The following GDI2 variants were observed in gnomAD, a reference collection of about 807,000 sequenced individuals.
GDI2 encodes the protein rab GDP dissociation inhibitor beta.
Under a neutral mutation model 54.2 loss-of-function variants are expected in GDI2, and 22 were observed. The observed-to-expected ratio is 0.41, with a 90% CI of 0.29 to 0.58. The LOEUF (loss-of-function observed/expected upper bound fraction) is 0.58, where lower values mean the gene tolerates loss of function less well. Ranked by LOEUF, GDI2 falls within the 20% of genes least tolerant of loss-of-function variation. GDI2 has a pLI of 0.35. For synonymous variants in GDI2, 177 were observed against 182.1 expected (o/e 0.97, Z 0.23); for missense variants, 422 against 546.0 (o/e 0.77, Z 2.26).
intron 1 of GDI2, among the ~76,000 whole-genome samples, chr10:5,808,697 TA>T (rs56672226): frequency 0.055 from 4,770 of 86,220 alleles, 161 homozygotes; most frequent in African/African-American, 0.13. Context: ...TTGTTGTTAT[TA>T]AAAAAAAAAA....
intron 6 of GDI2, among the ~76,000 whole-genome samples, chr10:5,781,211 C>G (rs962435478): frequency 6.7e-6 from 1 of 149,686 alleles, no homozygotes; most frequent in Admixed American, 6.6e-5. Flanking sequence ...CCTCATCCCA[C>G]ACACCAACAC....
chr10:5,793,401 C>T (rs1316027102), intron 4 of GDI2, among the ~76,000 whole-genome samples: 1 of 152,130 alleles, frequency 6.6e-6, no homozygotes, highest in Non-Finnish European at 1.5e-5. Context: ...AATTTCGAAC[C>T]CATGATTACA....
intron 1 of GDI2, among the ~76,000 whole-genome samples, chr10:5,812,406 A>G (rs1271075388): frequency 6.6e-6 from 1 of 152,186 alleles, no homozygotes; most frequent in Non-Finnish European, 1.5e-5. Flanking sequence ...CGGAGTACAG[A>G]GAACTTGGCT....
At chr10:5,787,014 A>G (rs554330142) in intron 4 of GDI2, among the ~76,000 whole-genome samples, 1 of 152,292 alleles carries the variant, frequency 6.6e-6, no homozygotes, top group African/African-American at 2.4e-5. Context: ...TAGATGATAG[A>G]CAAATAGCCA....
chr10:5,812,473 G>C (rs1267333089), intron 1 of GDI2, among the ~76,000 whole-genome samples: 1 of 152,144 alleles, frequency 6.6e-6, no homozygotes, highest in Non-Finnish European at 1.5e-5. Context: ...AAGAGACAAA[G>C]GAGGCAGAGA....
At chr10:5,772,704 C>G (rs1840517692) in intron 7 of GDI2, among the ~76,000 whole-genome samples, 1 of 152,126 alleles carries the variant, frequency 6.6e-6, no homozygotes, top group South Asian at 2.1e-4. Context: ...GTGAAGTGAG[C>G]TGAGATCACG....
In GDI2 at chr10:5,813,215, G is replaced by T; in HGVS notation, c.44C>A (p.Thr15Lys). The T allele has an allele frequency of 6.3e-7, 1 of 1,580,364 alleles. No homozygotes were observed. The highest frequency in any genetic ancestry group is 8.6e-7 in the Non-Finnish European group (1 of 1,164,742). The change falls in exon 1 of 11, where the codon ACG (threonine) becomes AAG (lysine). Residue 15 changes from threonine to lysine, a missense_variant and splice_region_variant. Coordinates refer to ENST00000380191, the MANE Select transcript of GDI2 (RefSeq NM_001494.4). ...CGGCCCCTCAGCCCTGGCGCCCACC[G>T]TCAGGCCGGTGCCCAGCACGATCAC... ...YDVIVLGTGL[T>K]ECILSGIMSV...
chr10:5,776,087 C>T lies in GDI2; in HGVS notation c.720-2146G>A. ...AAATAATGGATCCCTCAACCTGGCTCATCAACAGAGCAGATGAACAGACCA... is the reference window on the plus strand; with the variant it reads ...AAATAATGGATCCCTCAACCTGGCTTATCAACAGAGCAGATGAACAGACCA... On this transcript the variant is annotated intron_variant, in intron 6 of 10. Transcript: ENST00000380191. This position sits in a 1 kb window ranked among gnomAD's most constrained non-coding sequence, Gnocchi z 5.3. 4.7e-6 allele frequency: 1 copy of T among 212,592 alleles called. No individual in the cohort carries two copies. The allele number at this position is 212,592 out of a possible 1,614,324, so 13.2% of individuals were successfully genotyped here.
At chr10:5,787,019 T>C (rs572423849) in intron 4 of GDI2, among the ~76,000 whole-genome samples, 8 of 152,202 alleles carry the variant, frequency 5.3e-5, no homozygotes, top group African/African-American at 1.9e-4. Context: ...GATAGACAAA[T>C]AGCCAACAAA....
rs757030261 is a variant in GDI2 at position 5,768,192 on chromosome 10, C to A, written c.991+21G>T. The A allele has an allele frequency of 8.8e-6, 14 of 1,590,612 alleles. No homozygotes were observed. In the South Asian group the frequency reaches 1.6e-4, roughly 18 times the overall value. ...ATATCTTACAAAATTCTACCAACAT[C>A]TGCTGGTCTTCAAACCTCACCTGAC... On this transcript the variant is annotated intron_variant, in intron 8 of 10. Transcript: ENST00000380191. This position sits in a 1 kb window ranked among gnomAD's most constrained non-coding sequence, Gnocchi z 4.4.
intron 8 of GDI2, among the ~76,000 whole-genome samples, chr10:5,767,343 G>A (rs1269783171): frequency 6.6e-5 from 10 of 151,608 alleles, no homozygotes; most frequent in Admixed American, 6.6e-4. Flanking sequence ...TTAACAGTCT[G>A]GCTCTGTCAC....
intron 2 of GDI2, among the ~76,000 whole-genome samples, chr10:5,799,300 G>A (rs1841215221): frequency 6.6e-6 from 1 of 152,196 alleles, no homozygotes; most frequent in South Asian, 2.1e-4. Flanking sequence ...TCGCACTGCT[G>A]CACTTCAGCC....
At chr10:5,799,048 A>T (rs954202187) in intron 2 of GDI2, among the ~76,000 whole-genome samples, 3 of 152,172 alleles carry the variant, frequency 2.0e-5, no homozygotes, top group Admixed American at 1.3e-4. Context: ...TAGATTAAGA[A>T]AATAAAGAGG....
chr10:5,777,170 G>A (rs1749563763), intron 6 of GDI2, among the ~76,000 whole-genome samples: 1 of 152,054 alleles, frequency 6.6e-6, no homozygotes, highest in Admixed American at 6.6e-5. Context: ...TTGTCTTCAG[G>A]GTTAAAATGC....
intron 1 of GDI2, chr10:5,811,960 TAAAAAAA>T: frequency 1.5e-6 from 1 of 664,362 alleles, no homozygotes; most frequent in Non-Finnish European, 2.1e-6. Flanking sequence ...ATGTTACCTG[TAAAAAAA>T]AAAAAAAAAA....
chr10:5,766,417 T>TCA lies in GDI2; in HGVS notation c.1136+75_1136+76dup. On this transcript the variant is annotated intron_variant, in intron 9 of 10. Coordinates refer to ENST00000380191, the MANE Select transcript of GDI2 (RefSeq NM_001494.4). This position sits in a 1 kb window ranked among gnomAD's most constrained non-coding sequence, Gnocchi z 5.8. Reference sequence around the variant, plus strand: ...CAGCCAGCAGCTACCTGCCTTGCCCTCACATTCGTCCCACCATGGAGCCAC... The same window carrying TCA: ...CAGCCAGCAGCTACCTGCCTTGCCCTCACACATTCGTCCCACCATGGAGCCAC... 6.4e-7 allele frequency: 1 copy of TCA among 1,554,792 alleles called. No individual in the cohort carries two copies. The highest frequency in any genetic ancestry group is 1.1e-5 in the South Asian group (1 of 89,742).
chr10:5,787,408 G>A (rs1361711666), intron 4 of GDI2, among the ~76,000 whole-genome samples: 1 of 152,136 alleles, frequency 6.6e-6, no homozygotes, highest in African/African-American at 2.4e-5. Context: ...GAAGGCTGGA[G>A]CAGGAGAATC....
chr10:5,795,091 G>T, intron 3 of GDI2, 72 bp from the exon 4 acceptor site: 1 of 946,614 alleles, frequency 1.1e-6, no homozygotes, highest in Non-Finnish European at 1.6e-6. Flanking sequence ...AATACTAACA[G>T]CTTCTAAAAT....
intron 7 of GDI2, among the ~76,000 whole-genome samples, chr10:5,771,653 T>C (rs1380783925): frequency 6.6e-6 from 1 of 151,940 alleles, no homozygotes; most frequent in African/African-American, 2.4e-5. Context: ...CTTAAGGCTA[T>C]GCTTCCTAAG....
Sources: allele counts gnomAD v4.1 joint callset (sites outside exome capture counted in the v4.1 genomes callset), GRCh38; gene constraint gnomAD v4.1.1; non-coding constraint Gnocchi (gnomAD v3.1); transcripts MANE v1.5; gene names NCBI Gene and HGNC (gene_info 2026-07-23, HGNC 2026-07-21).